The following CLPB variants were observed in gnomAD, a reference collection of about 807,000 sequenced individuals.
The protein encoded by CLPB is ClpB family mitochondrial disaggregase.
A neutral mutation model predicts 78.4 loss-of-function variants in CLPB; 40 were observed. That is an observed-to-expected ratio of 0.51 (90% CI 0.40 to 0.66). The LOEUF is 0.66. Ranked by LOEUF, CLPB falls within the 30% of genes least tolerant of loss-of-function variation. The pLI is 0.00. For missense variants in CLPB, 780 were observed against 886.9 expected, an observed-to-expected ratio of 0.88 and a Z score of 1.53; for synonymous variants, 333 against 348.0, an observed-to-expected ratio of 0.96 and a Z score of 0.48.
chr11:72,304,496 T>C (rs1590767985), intron 9 of CLPB, among the ~76,000 whole-genome samples: 1 of 152,226 alleles, frequency 6.6e-6, no homozygotes, highest in Non-Finnish European at 1.5e-5. Flanking sequence ...TCCACCACCC[T>C]ACCTTATGAT....
At chr11:72,302,863 T>C (rs1396249506) in intron 9 of CLPB, 1 of 155,290 alleles carries the variant, frequency 6.4e-6, no homozygotes, top group Non-Finnish European at 1.4e-5. Flanking sequence ...TCTGCAAGTC[T>C]GTGTGATGCC....
intron 6 of CLPB, among the ~76,000 whole-genome samples, chr11:72,329,092 A>G (rs1365129637): frequency 6.6e-6 from 1 of 152,174 alleles, no homozygotes; most frequent in Non-Finnish European, 1.5e-5. Context: ...TAGTTCTTGG[A>G]TTCTGTCCAG....
In CLPB at chr11:72,430,547, C is replaced by T. The variant is rs1358100906; in HGVS notation, c.404-184G>A. On this transcript the variant is annotated intron_variant, in intron 1 of 15. Transcript: ENST00000538039. ...CCCACATGGTGTCCACTGTTAACAACCTGACTTCCACACCTTTCTACTACA... is the reference window on the plus strand; with the variant it reads ...CCCACATGGTGTCCACTGTTAACAATCTGACTTCCACACCTTTCTACTACA... The T allele has an allele frequency of 8.5e-6, 5 of 587,104 alleles. No homozygotes were observed. In the African/African-American group the frequency reaches 9.4e-5, roughly 11 times the overall value. The allele number at this position is 587,104 out of a possible 1,614,324, so 36.4% of individuals were successfully genotyped here.
At chr11:72,399,447 T>C (rs1013817566) in intron 3 of CLPB, among the ~76,000 whole-genome samples, 1 of 152,200 alleles carries the variant, frequency 6.6e-6, no homozygotes, top group East Asian at 1.9e-4. Flanking sequence ...CAAACTCTTT[T>C]TGGAAATAAA....
intron 2 of CLPB, among the ~76,000 whole-genome samples, chr11:72,405,209 T>C (rs920983458): frequency 6.6e-6 from 1 of 152,184 alleles, no homozygotes; most frequent in African/African-American, 2.4e-5. Context: ...AAACAGGGTA[T>C]GACTGCGAAG....
intron 4 of CLPB, among the ~76,000 whole-genome samples, chr11:72,367,634 G>A (rs775997891): frequency 5.3e-5 from 8 of 152,042 alleles, no homozygotes; most frequent in Non-Finnish European, 1.0e-4. Context: ...AGGGGGGCAC[G>A]GGTTGAAAAA....
At chr11:72,425,457 AT>A (rs991711316) in intron 2 of CLPB, among the ~76,000 whole-genome samples, 37 of 152,218 alleles carry the variant, frequency 2.4e-4, no homozygotes, top group African/African-American at 8.2e-4. Context: ...AAGGTAGGTA[AT>A]TTGTTCCTTG....
At chr11:72,332,377 T>C (rs1337963530) in intron 5 of CLPB, among the ~76,000 whole-genome samples, 2 of 150,646 alleles carry the variant, frequency 1.3e-5, no homozygotes, top group African/African-American at 2.4e-5. Context: ...TAATCCCAGC[T>C]ACTCGGAAGG....
At chr11:72,301,575 C>T (rs905559781) in intron 11 of CLPB, among the ~76,000 whole-genome samples, 2 of 152,234 alleles carry the variant, frequency 1.3e-5, no homozygotes, top group Admixed American at 6.5e-5. Context: ...GTGGGCTGAG[C>T]AGCCACACAA....
At chr11:72,359,311 GA>G in intron 4 of CLPB, 1 of 477,346 alleles carries the variant, frequency 2.1e-6, no homozygotes, top group South Asian at 1.9e-5. Context: ...GATGTTTATA[GA>G]ACTGTTTGAG....
intron 4 of CLPB, among the ~76,000 whole-genome samples, chr11:72,361,105 C>T (rs138681258): frequency 6.6e-6 from 1 of 152,314 alleles, no homozygotes; most frequent in African/African-American, 2.4e-5. Context: ...GTAGCTAGCA[C>T]TCAGATAACC....
intron 5 of CLPB, chr11:72,354,731 G>A (rs1228384658): frequency 3.5e-5 from 6 of 173,402 alleles, no homozygotes; most frequent in Non-Finnish European, 4.9e-5. Flanking sequence ...TTTCTGTGGC[G>A]GTTGGGAGTA....
intron 7 of CLPB, among the ~76,000 whole-genome samples, chr11:72,315,300 G>A (rs775600812): frequency 2.6e-4 from 39 of 152,206 alleles, no homozygotes; most frequent in Non-Finnish European, 5.1e-4. Context: ...CCTTTCTGAG[G>A]AGCATGGTGG....
intron 2 of CLPB, among the ~76,000 whole-genome samples, chr11:72,403,476 T>C (rs1277503502): frequency 6.6e-6 from 1 of 152,204 alleles, no homozygotes; most frequent in African/African-American, 2.4e-5. Flanking sequence ...AATACAATCC[T>C]TGTGGCTCGT....
chr11:72,327,926 C>T (rs927819619), intron 6 of CLPB, among the ~76,000 whole-genome samples: 2 of 152,184 alleles, frequency 1.3e-5, no homozygotes, highest in Admixed American at 1.3e-4. Flanking sequence ...CTTCCTAATT[C>T]CTTCCCTTCT....
At chr11:72,396,973 T>G (rs905856479) in intron 3 of CLPB, among the ~76,000 whole-genome samples, 1 of 152,198 alleles carries the variant, frequency 6.6e-6, no homozygotes, top group African/African-American at 2.4e-5. Flanking sequence ...GATATATAAT[T>G]TAATGAATTT....
chr11:72,427,439 G>C (rs1216715092), intron 2 of CLPB, among the ~76,000 whole-genome samples: 2 of 152,160 alleles, frequency 1.3e-5, no homozygotes, highest in Non-Finnish European at 2.9e-5. Flanking sequence ...ACAGTCATGC[G>C]CTACACAATG....
chr11:72,413,921 T>C (rs999108569), intron 2 of CLPB, among the ~76,000 whole-genome samples: 3 of 152,208 alleles, frequency 2.0e-5, no homozygotes, highest in African/African-American at 4.8e-5. Context: ...TGTGGTATCC[T>C]TGCCTTCAAA....
intron 5 of CLPB, chr11:72,336,818 A>T: frequency 2.9e-6 from 1 of 346,864 alleles, no homozygotes; most frequent in Non-Finnish European, 5.2e-6. Context: ...ATTGAGAGAG[A>T]GAGTGGCAGG....
Sources: allele counts gnomAD v4.1 joint callset (sites outside exome capture counted in the v4.1 genomes callset), GRCh38; gene constraint gnomAD v4.1.1; transcripts MANE v1.5; gene names NCBI Gene and HGNC (gene_info 2026-07-23, HGNC 2026-07-21).